PXYLP1: variants seen among roughly 807,000 people sequenced by gnomAD.
The protein encoded by PXYLP1 is acid phosphatase-like 2.
PXYLP1 carries 17 observed loss-of-function variants against 37.9 expected under a neutral mutation model. The ratio of observed to expected loss-of-function variants is 0.45; its 90% CI spans 0.31 to 0.67. PXYLP1 has a LOEUF of 0.67. Ranked by LOEUF, PXYLP1 falls within the 30% of genes least tolerant of loss-of-function variation. PXYLP1 has a pLI of 0.07. For synonymous variants in PXYLP1, 221 were observed against 232.2 expected, an observed-to-expected ratio of 0.95 and a Z score of 0.44; for missense variants, 511 against 612.0, an observed-to-expected ratio of 0.84 and a Z score of 1.74.
chr3:141,268,192 AGAGAGAGAGAGAGAGTGTGT>A (rs1189330473), intron 2 of PXYLP1, among the ~76,000 whole-genome samples: 25 of 98,606 alleles, frequency 2.5e-4, no homozygotes, highest in South Asian at 7.8e-4. Flanking sequence ...AGAGAGAGAG[AGAGAGAGAGAGAGAGTGTGT>A]GTGTGTGTGT....
At chr3:141,288,720 C>G (rs939292427) in intron 5 of PXYLP1, among the ~76,000 whole-genome samples, 2 of 152,064 alleles carry the variant, frequency 1.3e-5, no homozygotes, top group African/African-American at 4.8e-5. Flanking sequence ...ATAGTGGAAC[C>G]CCATCTCTAC....
intron 2 of PXYLP1, among the ~76,000 whole-genome samples, chr3:141,268,127 A>AT (rs1164131778): frequency 6.6e-6 from 1 of 150,518 alleles, no homozygotes; most frequent in Non-Finnish European, 1.5e-5. Context: ...TGCATAATAT[A>AT]TTAAATTTTA....
chr3:141,292,116 C>G lies in PXYLP1; in HGVS notation c.506-152C>G. 2 of 724,090 alleles carry G rather than the reference C, an allele frequency of 2.8e-6. No homozygotes were observed. Among genetic ancestry groups the G allele is most frequent in the Non-Finnish European group, 4.5e-6 (2 of 444,312 alleles). 44.9% of individuals were successfully genotyped at this position (724,090 alleles called of 1,614,324 possible). ...GGCTCCCTTCACAAGCTGTTGTGAACTCGAGCTTGTAACTTCCACACCATG... is the reference window on the plus strand; with the variant it reads ...GGCTCCCTTCACAAGCTGTTGTGAAGTCGAGCTTGTAACTTCCACACCATG... On this transcript the variant is annotated intron_variant, in intron 5 of 5. Coordinates refer to ENST00000286353, the MANE Select transcript of PXYLP1 (RefSeq NM_001037172.3). This position sits in a 1 kb window ranked among gnomAD's most constrained non-coding sequence, Gnocchi z 4.3.
At chr3:141,275,769 A>G (rs1481563743) in intron 2 of PXYLP1, among the ~76,000 whole-genome samples, 1 of 146,290 alleles carries the variant, frequency 6.8e-6, no homozygotes, top group Non-Finnish European at 1.5e-5. Context: ...TTGGTAACAC[A>G]AGTAATGAAG....
intron 2 of PXYLP1, among the ~76,000 whole-genome samples, chr3:141,261,713 GAC>G (rs1351646505): frequency 2.0e-5 from 3 of 151,890 alleles, no homozygotes; most frequent in African/African-American, 7.3e-5. Context: ...TTGAGAGCAG[GAC>G]CACATCCTGT....
chr3:141,253,362 C>T (rs767770559), intron 1 of PXYLP1, among the ~76,000 whole-genome samples: 7 of 152,332 alleles, frequency 4.6e-5, no homozygotes, highest in Non-Finnish European at 8.8e-5. Flanking sequence ...CTAGGCACAA[C>T]ACTTCCCTGC....
rs192896668 is a variant in PXYLP1 at position 141,262,587 on chromosome 3, C to A, written c.79+2333C>A. Reference sequence around the variant, plus strand: ...GAAAGTACCTTCTGTTTTAGGAAAGCCAATTTTCAGCCATACTTTTTTAAG... The same window carrying A: ...GAAAGTACCTTCTGTTTTAGGAAAGACAATTTTCAGCCATACTTTTTTAAG... On this transcript the variant is annotated intron_variant, in intron 2 of 5. Coordinates refer to ENST00000286353, the MANE Select transcript of PXYLP1 (RefSeq NM_001037172.3). 4.3e-5 allele frequency: 61 copies of A among 1,431,160 alleles called. No homozygotes were observed. In the East Asian group the frequency reaches 1.5e-3, roughly 36 times the overall value. 88.7% of individuals were successfully genotyped at this position (1,431,160 alleles called of 1,614,324 possible).
chr3:141,234,231 G>A (rs918212832), intron 1 of PXYLP1: 3 of 152,036 alleles, frequency 2.0e-5, no homozygotes, highest in Non-Finnish European at 4.4e-5. Context: ...GCAATCTACG[G>A]ATCAGTCTCT....
chr3:141,266,493 C>A (rs918129852), intron 2 of PXYLP1, among the ~76,000 whole-genome samples: 9 of 152,020 alleles, frequency 5.9e-5, no homozygotes, highest in African/African-American at 2.2e-4. Flanking sequence ...GGACAAGGGG[C>A]CACGAAGGAG....
intron 2 of PXYLP1, 86 bp from the exon 3 acceptor site, chr3:141,278,256 A>T: frequency 6.7e-7 from 1 of 1,482,424 alleles, no homozygotes; most frequent in East Asian, 2.3e-5. Flanking sequence ...TAGCTCCTCA[A>T]AGTGAAATCC....
intron 1 of PXYLP1, among the ~76,000 whole-genome samples, chr3:141,252,023 C>T (rs1030909459): frequency 6.6e-6 from 1 of 152,196 alleles, no homozygotes; most frequent in Non-Finnish European, 1.5e-5. Flanking sequence ...ATGAAATGGG[C>T]TCAGAGATTG....
Position 141,232,733 on chromosome 3 carries a change from A to G in PXYLP1, c.-54+822A>G, listed in dbSNP as rs191515389. Among the ~76,000 whole-genome samples the G allele has an allele frequency of 4.6e-3, 704 of 152,362 alleles. 7 individuals are homozygous for G. The highest frequency in any genetic ancestry group is 0.016 in the African/African-American group (669 of 41,588). ...GGTAGGTTGCCTGCTTTGCAGCCGC[A>G]GCTGCCTTTTAAATTGTACCTGTGG... On this transcript the variant is annotated intron_variant, in intron 1 of 5. Transcript: ENST00000286353.
chr3:141,291,855 T>C (rs1337909216), intron 5 of PXYLP1: 2 of 171,256 alleles, frequency 1.2e-5, no homozygotes, highest in South Asian at 1.5e-4. Flanking sequence ...GCGGTTTCAC[T>C]GAGCACTCGC....
chr3:141,268,190 AGAGAGAGAGAGAGAGAGTGTGTGT>A (rs1355343127), intron 2 of PXYLP1, among the ~76,000 whole-genome samples: 1 of 99,330 alleles, frequency 1.0e-5, no homozygotes, highest in African/African-American at 4.2e-5. Context: ...AGAGAGAGAG[AGAGAGAGAGAGAGAGAGTGTGTGT>A]GTGTGTGTGT....
At chr3:141,256,206 T>A (rs1287608712) in intron 1 of PXYLP1, among the ~76,000 whole-genome samples, 1 of 152,188 alleles carries the variant, frequency 6.6e-6, no homozygotes, top group East Asian at 1.9e-4. Flanking sequence ...ACATATCTGC[T>A]CGACCGCAGG....
At position 141,278,504 on chromosome 3, in the gene PXYLP1, G is replaced by A; in HGVS notation, c.238+4G>A. On this transcript the variant is annotated splice_donor_region_variant and intron_variant, in intron 3 of 5. Transcript: ENST00000286353. ...GTGGCCGAGCGCAGCATGGAAGGTA[G>A]GCCTGACTGTGCCACCAGGACAGAT... 6.2e-7 allele frequency: 1 copy of A among 1,614,156 alleles called. No homozygotes were observed. Among genetic ancestry groups the A allele is most frequent in the Non-Finnish European group, 8.5e-7 (1 of 1,179,992 alleles).
rs150163578 is a variant in PXYLP1, at chr3:141,278,291, G to T, written c.80-51G>T. 2,107 of 1,605,658 alleles carry T rather than the reference G, an allele frequency of 1.3e-3. 4 individuals carry two copies. Among genetic ancestry groups the T allele is most frequent in the Non-Finnish European group, 1.6e-3 (1,872 of 1,174,350 alleles). ...CAGCCCTGCGCTGGGCCTTGCAGCT[G>T]GCCTGGCGCCCCAGGAACTGTGCGT... is the stretch of plus-strand genomic sequence containing the variant. On this transcript the variant is annotated intron_variant, in intron 2 of 5. Transcript: ENST00000286353.
intron 1 of PXYLP1, among the ~76,000 whole-genome samples, chr3:141,245,941 A>G (rs998404510): frequency 6.6e-6 from 1 of 152,224 alleles, no homozygotes; most frequent in Non-Finnish European, 1.5e-5. Context: ...ATGTCAGTGG[A>G]AACATCCAGG....
chr3:141,262,082 A>G (rs373276198), intron 2 of PXYLP1: 1 of 165,044 alleles, frequency 6.1e-6, no homozygotes, highest in African/African-American at 2.4e-5. Flanking sequence ...ACAGAGGAAC[A>G]TGGGGAAGGC....
Sources: allele counts gnomAD v4.1 joint callset (sites outside exome capture counted in the v4.1 genomes callset), GRCh38; gene constraint gnomAD v4.1.1; non-coding constraint Gnocchi (gnomAD v3.1); transcripts MANE v1.5; gene names NCBI Gene and HGNC (gene_info 2026-07-23, HGNC 2026-07-21).